ABCC9: variants seen among roughly 807,000 people sequenced by gnomAD.
ABCC9 encodes ATP-binding cassette sub-family C member 9.
Under a neutral mutation model 188.3 loss-of-function variants are expected in ABCC9, and 95 were observed. The ratio of observed to expected loss-of-function variants is 0.50; its 90% CI spans 0.43 to 0.60. ABCC9 has a LOEUF of 0.60. Among genes scored for constraint, ABCC9 ranks in the 20% least tolerant of loss-of-function variants. The pLI is 0.00. For synonymous variants in ABCC9, 659 were observed against 652.7 expected (o/e 1.01, Z -0.15); for missense variants, 1,102 against 1,876.3 (o/e 0.59, Z 7.62).
Position 21,817,317 on chromosome 12 carries a change from G to A in ABCC9, c.3772-10C>T, listed in dbSNP as rs1315658031. The A allele has an allele frequency of 6.2e-7, 1 of 1,612,794 alleles. No individual in the cohort carries two copies. Among genetic ancestry groups the A allele is most frequent in the African/African-American group, 1.3e-5 (1 of 74,826 alleles). ...TCAAATAATTGGTTATCTGTGTCAG[G>A]TGATTAAAAAAATTGTTTTAAATAA... On this transcript the variant is annotated splice_polypyrimidine_tract_variant and intron_variant, in intron 32 of 39. Transcript: ENST00000261200.
At chr12:21,802,005 C>CT (rs897961603) in intron 39 of ABCC9, among the ~76,000 whole-genome samples, 1 of 152,138 alleles carries the variant, frequency 6.6e-6, no homozygotes, top group African/African-American at 2.4e-5. Flanking sequence ...ATCCTGTCAT[C>CT]TAACTGTTTC....
In ABCC9 at chr12:21,800,153, G is replaced by A. The variant is rs1478793954; in HGVS notation, c.*891C>T. 2 of 152,134 alleles carry A rather than the reference G, an allele frequency of 1.3e-5. No individual in the cohort carries two copies. Among genetic ancestry groups the A allele is most frequent in the African/African-American group, 2.4e-5 (1 of 41,424 alleles). 9.4% of individuals were successfully genotyped at this position (152,134 alleles called of 1,614,324 possible). ...CATAGGAAATATCTCACACCTGAGA[G>A]GAATGTTCACCTGCCATTATTAGCA... On this transcript the variant is annotated 3_prime_UTR_variant, in exon 40 of 40. Coordinates refer to ENST00000261200, the MANE Select transcript of ABCC9 (RefSeq NM_020297.4).
At chr12:21,818,454 C>CTA (rs1220295597) in intron 31 of ABCC9, among the ~76,000 whole-genome samples, 10 of 140,798 alleles carry the variant, frequency 7.1e-5, no homozygotes, top group East Asian at 6.1e-4. Context: ...CATGCTCTCA[C>CTA]TATATATATC....
At chr12:21,808,436 A>G (rs1942004687) in intron 37 of ABCC9, among the ~76,000 whole-genome samples, 1 of 152,128 alleles carries the variant, frequency 6.6e-6, no homozygotes, top group African/African-American at 2.4e-5. Context: ...TATGCCCACA[A>G]TCTAAACAGG....
rs71053355 is a variant in ABCC9 at position 21,915,286 on chromosome 12, G to GTATA, written c.816+378_816+381dup. ...GTATATAATGTGTATATATATGTGT[G>GTATA]TATATATACATGTGTATATATATAT... is the stretch of plus-strand genomic sequence containing the variant. On this transcript the variant is annotated intron_variant, in intron 7 of 39. Transcript: ENST00000261200. 6.2e-5 allele frequency among the ~76,000 whole-genome samples: 8 copies of GTATA among 129,118 alleles called. No individual in the cohort carries two copies. In the East Asian group the frequency reaches 6.7e-4, roughly 11 times the overall value. 84.7% of individuals were successfully genotyped at this position (129,118 alleles called of 152,430 possible).
intron 30 of ABCC9, among the ~76,000 whole-genome samples, chr12:21,836,768 C>CA (rs1466182076): frequency 1.7e-4 from 25 of 150,446 alleles, no homozygotes; most frequent in Admixed American, 1.4e-3. Flanking sequence ...ACAACAACAA[C>CA]AAAAAAAAGA....
chr12:21,803,062 A>T (rs1225447342), intron 39 of ABCC9, among the ~76,000 whole-genome samples: 1 of 151,784 alleles, frequency 6.6e-6, no homozygotes, highest in Non-Finnish European at 1.5e-5. Context: ...AATCATGTCA[A>T]AGACCACGAT....
chr12:21,915,943 T>C (rs1948586412), intron 6 of ABCC9, 33 bp from the exon 7 acceptor site: 2 of 1,591,112 alleles, frequency 1.3e-6, no homozygotes, highest in East Asian at 4.5e-5. Context: ...GTATAACAAT[T>C]AGTCCAATTA....
intron 12 of ABCC9, 35 bp from the exon 13 acceptor site, chr12:21,895,350 A>C: frequency 6.4e-7 from 1 of 1,567,652 alleles, no homozygotes; most frequent in Non-Finnish European, 8.8e-7. Flanking sequence ...AGTTTCATTG[A>C]ACTGTGAAAA....
At chr12:21,826,378 G>A (rs1013534692) in intron 31 of ABCC9, among the ~76,000 whole-genome samples, 25 of 151,980 alleles carry the variant, frequency 1.6e-4, no homozygotes, top group African/African-American at 5.1e-4. Context: ...TTTTTCTCAC[G>A]CAAGATCCAG....
chr12:21,910,390 T>C, intron 9 of ABCC9, 78 bp from the exon 10 acceptor site: 1 of 1,391,016 alleles, frequency 7.2e-7, no homozygotes, highest in Non-Finnish European at 9.8e-7. Flanking sequence ...TGAAAATAAA[T>C]AACAAACATT....
At position 21,828,988 on chromosome 12, in the gene ABCC9, T is replaced by C. The variant is rs761818286; in HGVS notation, c.3639A>G (p.Ser1213=). 7 of 1,614,072 alleles carry C rather than the reference T, an allele frequency of 4.3e-6. No homozygotes were observed. The highest frequency in any genetic ancestry group is 5.1e-6 in the Non-Finnish European group (6 of 1,179,966). ...DTNNIAYLFL[S]AANRWLEVRT... ...TGACCTCCAGCCATCTGTTGGCAGC[T>C]GAGAGAAATAAGTAGGCAATGTTGT... is the stretch of plus-strand genomic sequence containing the variant. The change falls in exon 31 of 40, where the codon TCA becomes TCG. Residue 1213 remains serine (S), a synonymous_variant. Transcript: ENST00000261200.
chr12:21,853,460 CTAT>C (rs148486888), intron 22 of ABCC9, among the ~76,000 whole-genome samples: 39 of 151,468 alleles, frequency 2.6e-4, no homozygotes, highest in African/African-American at 8.5e-4. Context: ...ACATTGTTAG[CTAT>C]TATTATTATT....
rs568123866 is a variant in ABCC9, at chr12:21,836,592, C to T, written c.3566+1486G>A. Among the ~76,000 whole-genome samples the T allele has an allele frequency of 7.2e-5, 11 of 152,230 alleles. No homozygotes were observed. The East Asian group carries it at 2.1e-3, about 29-fold the overall frequency. ...ACCCTGCTCTCTGACACAGTTGTTT[C>T]TTGTGATATTAGACTATGTATCATG... On this transcript the variant is annotated intron_variant, in intron 30 of 39. Coordinates refer to ENST00000261200, the MANE Select transcript of ABCC9 (RefSeq NM_020297.4).
chr12:21,867,545 G>T (rs978469556), intron 18 of ABCC9, among the ~76,000 whole-genome samples: 1 of 152,130 alleles, frequency 6.6e-6, no homozygotes, highest in African/African-American at 2.4e-5. Flanking sequence ...ATGGGAGAGT[G>T]ACTTTTGCAA....
At chr12:21,866,364 A>G (rs1308441468) in intron 18 of ABCC9, among the ~76,000 whole-genome samples, 1 of 152,018 alleles carries the variant, frequency 6.6e-6, no homozygotes, top group Non-Finnish European at 1.5e-5. Flanking sequence ...TAGAGGGAAC[A>G]AGACTGGAGA....
chr12:21,845,045 G>A, intron 26 of ABCC9, 130 bp from the exon 27 acceptor site: 1 of 1,213,504 alleles, frequency 8.2e-7, no homozygotes, highest in Non-Finnish European at 1.2e-6. Flanking sequence ...ACGGTTGAAG[G>A]AATGCAATTT....
Position 21,812,144 on chromosome 12 carries a change from A to G in ABCC9, c.4116T>C (p.Ile1372=), listed in dbSNP as rs1264106509. The G allele has an allele frequency of 6.2e-7, 1 of 1,609,310 alleles. No individual in the cohort carries two copies. Among genetic ancestry groups the G allele is most frequent in the African/African-American group, 1.3e-5 (1 of 74,784 alleles). Residue 1372 remains isoleucine (I), a synonymous_variant, in exon 36 of 40, where the codon ATT becomes ATC. Transcript: ENST00000261200. The stretch of plus-strand genomic sequence containing the variant: ...GTAATTTGGAAATGTCTATCCCATC[A>G]ATGACAATTTTTCCTGTTAAGGAGA... ...MVDIFDGKIV[I]DGIDISKLPL... is the part of the protein sequence containing the mutation.
chr12:21,806,344 T>G (rs1941841486), intron 38 of ABCC9, among the ~76,000 whole-genome samples: 1 of 152,190 alleles, frequency 6.6e-6, no homozygotes. Context: ...GGTATCAAAG[T>G]GCTCACTTGA....
Sources: gnomAD v4.1 joint callset for allele counts (sites outside exome capture counted in the v4.1 genomes callset) on GRCh38, gnomAD v4.1.1 for gene constraint, MANE v1.5 for transcripts, NCBI Gene and HGNC (gene_info 2026-07-23, HGNC 2026-07-21) for gene names.